NWD2: variants seen among roughly 807,000 people sequenced by gnomAD.
NWD2 encodes the protein NACHT and WD repeat domain-containing protein 2.
NWD2 carries 37 observed loss-of-function variants against 132.7 expected under a neutral mutation model. That is an observed-to-expected ratio of 0.28 (90% CI 0.21 to 0.37). The LOEUF is 0.37. Ranked by LOEUF, NWD2 falls within the 10% of genes least tolerant of loss-of-function variation. The pLI is 1.00. For missense variants in NWD2, 1,592 were observed against 2,122.4 expected, an observed-to-expected ratio of 0.75 and a Z score of 4.91; for synonymous variants, 705 against 803.0, an observed-to-expected ratio of 0.88 and a Z score of 2.06.
chr4:37,297,581 A>G (rs777173742), intron 1 of NWD2, among the ~76,000 whole-genome samples: 1 of 152,228 alleles, frequency 6.6e-6, no homozygotes, highest in Non-Finnish European at 1.5e-5. Context: ...TACATTTATT[A>G]GGAACTACCA....
chr4:37,385,113 C>T (rs755305060), intron 3 of NWD2, among the ~76,000 whole-genome samples: 6 of 152,128 alleles, frequency 3.9e-5, no homozygotes, highest in Non-Finnish European at 7.4e-5. Flanking sequence ...GTGATGTAGA[C>T]ACCTGCCAGC....
intron 3 of NWD2, among the ~76,000 whole-genome samples, chr4:37,380,878 G>A (rs1720439233): frequency 6.6e-6 from 1 of 152,164 alleles, no homozygotes; most frequent in African/African-American, 2.4e-5. Flanking sequence ...CCCCAGTCTT[G>A]ATGGAGCCCA....
intron 1 of NWD2, among the ~76,000 whole-genome samples, chr4:37,298,181 T>A (rs1274335833): frequency 6.6e-6 from 1 of 152,116 alleles, no homozygotes; most frequent in East Asian, 1.9e-4. Flanking sequence ...ATTAATAATT[T>A]TTATCTAAGA....
chr4:37,262,905 G>C (rs111677460), intron 1 of NWD2, among the ~76,000 whole-genome samples: 8 of 152,236 alleles, frequency 5.3e-5, no homozygotes, highest in African/African-American at 1.9e-4. Context: ...TGGATTCACT[G>C]CCACATCCTC....
chr4:37,294,862 G>A (rs1718443739), intron 1 of NWD2, among the ~76,000 whole-genome samples: 1 of 152,148 alleles, frequency 6.6e-6, no homozygotes, highest in Non-Finnish European at 1.5e-5. Context: ...ACATCTGAAA[G>A]AAACACAGAA....
intron 1 of NWD2, among the ~76,000 whole-genome samples, chr4:37,288,450 A>G (rs1718287887): frequency 6.6e-6 from 1 of 152,230 alleles, no homozygotes; most frequent in Non-Finnish European, 1.5e-5. Context: ...ACTTAACCCC[A>G]AGGTGAAAAT....
chr4:37,249,137 A>G (rs1201322872), intron 1 of NWD2, among the ~76,000 whole-genome samples: 1 of 152,186 alleles, frequency 6.6e-6, no homozygotes, highest in Non-Finnish European at 1.5e-5. Flanking sequence ...ATTTTAATGG[A>G]TTTGAATTTA....
At chr4:37,434,775 CT>C (rs537585330) in intron 5 of NWD2, among the ~76,000 whole-genome samples, 1,352 of 129,564 alleles carry the variant, frequency 0.01, 9 homozygotes, top group Middle Eastern at 0.03. Flanking sequence ...GATAGCTTTA[CT>C]TTTTTTTTTT....
chr4:37,270,246 G>GT (rs1316819981), intron 1 of NWD2, among the ~76,000 whole-genome samples: 6 of 151,698 alleles, frequency 4.0e-5, no homozygotes, highest in Non-Finnish European at 5.9e-5. Context: ...AGTTATTAGC[G>GT]TAATTCAAGA....
chr4:37,419,545 A>C (rs2928285), intron 3 of NWD2, among the ~76,000 whole-genome samples: 35,286 of 152,196 alleles, frequency 0.23, 4,961 homozygotes, highest in Middle Eastern at 0.31. Flanking sequence ...AACTTAAACA[A>C]ATGTACAAGA....
chr4:37,419,667 C>T (rs945227413), intron 3 of NWD2, among the ~76,000 whole-genome samples: 5 of 152,170 alleles, frequency 3.3e-5, no homozygotes, highest in Admixed American at 1.3e-4. Context: ...AGCTGTCAAA[C>T]TGGGTTGTTT....
In NWD2 at chr4:37,449,399, C is replaced by CA. The variant is rs1408337409; in HGVS notation, c.*2183dup. The CA allele has an allele frequency of 6.6e-6, 1 of 152,130 alleles. No individual in the cohort carries two copies. The highest frequency in any genetic ancestry group is 2.4e-5 in the African/African-American group (1 of 41,424). The allele number at this position is 152,130 out of a possible 1,614,324, so 9.4% of individuals were successfully genotyped here. On this transcript the variant is annotated 3_prime_UTR_variant, in exon 7 of 7. Coordinates refer to ENST00000309447, the MANE Select transcript of NWD2 (RefSeq NM_001144990.2). ...GAGTTGTTACACTAGAAAATTATTT[C>CA]AGTCTTCAAACAATATACAGTCTTG...
At chr4:37,316,732 A>T (rs1293953263) in intron 1 of NWD2, among the ~76,000 whole-genome samples, 1 of 152,110 alleles carries the variant, frequency 6.6e-6, no homozygotes, top group Non-Finnish European at 1.5e-5. Context: ...CATCAGCCAA[A>T]TCTAAAATCT....
chr4:37,288,429 T>G (rs919438398), intron 1 of NWD2, among the ~76,000 whole-genome samples: 10 of 152,238 alleles, frequency 6.6e-5, no homozygotes, highest in Admixed American at 6.5e-4. Context: ...AGGATTACTT[T>G]AGCCAGTATC....
chr4:37,323,235 A>G (rs1719103665), intron 1 of NWD2, among the ~76,000 whole-genome samples: 1 of 152,204 alleles, frequency 6.6e-6, no homozygotes, highest in African/African-American at 2.4e-5. Context: ...TGCTATAGCA[A>G]AAGAATCTAT....
chr4:37,279,145 C>T (rs1252467041), intron 1 of NWD2, among the ~76,000 whole-genome samples: 5 of 152,182 alleles, frequency 3.3e-5, no homozygotes, highest in Non-Finnish European at 7.4e-5. Context: ...TGGCAAGTTC[C>T]TTTATTTATT....
In NWD2 at chr4:37,439,192, T is replaced by G. The variant is rs1158684231; in HGVS notation, c.1098T>G (p.Thr366=). The change falls in exon 6 of 7, where the codon ACT becomes ACG. Residue 366 remains threonine (T), a synonymous_variant. Transcript: ENST00000309447. This position sits in a 1 kb window ranked among gnomAD's most constrained non-coding sequence, Gnocchi z 4.5. ...ATIQQNFDTE[T]DTLYDEILQH... The stretch of plus-strand genomic sequence containing the variant: ...TACAACAGAATTTTGACACTGAAAC[T>G]GATACACTCTATGATGAAATCCTTC... 1 of 1,550,584 alleles carries G rather than the reference T, an allele frequency of 6.4e-7. No individual in the cohort carries two copies. Among genetic ancestry groups the G allele is most frequent in the African/African-American group, 1.4e-5 (1 of 73,114 alleles).
rs575505334 is a variant in NWD2 at position 37,393,963 on chromosome 4, T to C, written c.358-36609T>C. Reference sequence around the variant, plus strand: ...AATGGCAAAGATGGACCTGCAAACATGAGTGTTGTTTCTTTCAGACAGCCT... The same window carrying C: ...AATGGCAAAGATGGACCTGCAAACACGAGTGTTGTTTCTTTCAGACAGCCT... On this transcript the variant is annotated intron_variant, in intron 3 of 6. Coordinates refer to ENST00000309447, the MANE Select transcript of NWD2 (RefSeq NM_001144990.2). Among the ~76,000 whole-genome samples the C allele has an allele frequency of 1.1e-4, 16 of 152,338 alleles. 1 individual carries two copies. In the South Asian group the frequency reaches 2.1e-3, roughly 20 times the overall value.
At chr4:37,275,661 A>G (rs1717995590) in intron 1 of NWD2, among the ~76,000 whole-genome samples, 3 of 152,158 alleles carry the variant, frequency 2.0e-5, no homozygotes, top group African/African-American at 7.2e-5. Context: ...GCATCACACT[A>G]CCTGACTTCA....
Sources: gnomAD v4.1 joint callset for allele counts (sites outside exome capture counted in the v4.1 genomes callset) on GRCh38, gnomAD v4.1.1 for gene constraint, Gnocchi (gnomAD v3.1) non-coding constraint, MANE v1.5 for transcripts, NCBI Gene and HGNC (gene_info 2026-07-23, HGNC 2026-07-21) for gene names.